NDUFAF6: variants seen among roughly 807,000 people sequenced by gnomAD.
The protein encoded by NDUFAF6 is NADH dehydrogenase (ubiquinone) complex I, assembly factor 6.
A neutral mutation model predicts 40.8 loss-of-function variants in NDUFAF6; 45 were observed. The ratio of observed to expected loss-of-function variants is 1.10; its 90% CI spans 0.87 to 1.42. The LOEUF (loss-of-function observed/expected upper bound fraction) is 1.42. NDUFAF6 is among the 40% of genes most tolerant of loss of function. The pLI, the probability that NDUFAF6 is intolerant of heterozygous loss-of-function variation, is 0.00. For synonymous variants in NDUFAF6, 185 were observed against 155.9 expected (o/e 1.19, Z -1.39); for missense variants, 435 against 418.5 (o/e 1.04, Z -0.34).
At chr8:95,050,427 A>G (rs886169485) in intron 7 of NDUFAF6, among the ~76,000 whole-genome samples, 11 of 152,144 alleles carry the variant, frequency 7.2e-5, no homozygotes, top group African/African-American at 2.7e-4. Flanking sequence ...GAGAGTGCAA[A>G]CTCTGGAACC....
At chr8:95,079,638 A>G (rs960924567), downstream of NDUFAF6, among the ~76,000 whole-genome samples, 1 of 152,232 alleles carries the variant, frequency 6.6e-6, no homozygotes, top group African/African-American at 2.4e-5. Context: ...CAATTAAACT[A>G]TAGGACCAAA....
chr8:95,060,236 G>T (rs1023038724), downstream of NDUFAF6, among the ~76,000 whole-genome samples: 1 of 152,132 alleles, frequency 6.6e-6, no homozygotes, highest in Non-Finnish European at 1.5e-5. Context: ...TGGTGTAAAA[G>T]ATACTCCCTT....
chr8:95,045,296 T>TA (rs1000390915), intron 4 of NDUFAF6, among the ~76,000 whole-genome samples: 21 of 151,944 alleles, frequency 1.4e-4, no homozygotes, highest in Non-Finnish European at 2.8e-4. Context: ...AGATGAAATT[T>TA]AAAAAAAATG....
intron 3 of NDUFAF6, among the ~76,000 whole-genome samples, chr8:95,038,106 C>T (rs985399870): frequency 6.6e-6 from 1 of 152,192 alleles, no homozygotes; most frequent in African/African-American, 2.4e-5. Context: ...TCCTTGCCTC[C>T]TGGCCATCCT....
chr8:94,900,471 G>A (rs1345029598), intron 1 of NDUFAF6, among the ~76,000 whole-genome samples: 3 of 152,138 alleles, frequency 2.0e-5, no homozygotes, highest in Non-Finnish European at 4.4e-5. Flanking sequence ...CTCAGAGGGA[G>A]GGCCCTTAAA....
intron 9 of NDUFAF6, among the ~76,000 whole-genome samples, chr8:95,071,334 T>C (rs1321508437): frequency 4.3e-5 from 6 of 140,278 alleles, no homozygotes; most frequent in Non-Finnish European, 9.3e-5. Context: ...GGAGGTGGAG[T>C]TTGCAGTGAG....
chr8:95,034,986 T>C (rs1347659219), intron 2 of NDUFAF6, among the ~76,000 whole-genome samples: 4 of 152,054 alleles, frequency 2.6e-5, no homozygotes, highest in Admixed American at 2.6e-4. Context: ...TTTAAGCGAT[T>C]CTCCTGCCTC....
intron 2 of NDUFAF6, among the ~76,000 whole-genome samples, chr8:94,946,106 GTT>G (rs11301626): frequency 3.4e-5 from 5 of 149,098 alleles, no homozygotes; most frequent in African/African-American, 4.9e-5. Flanking sequence ...CTTTTCTTCT[GTT>G]TTTTTTTTTC....
rs374858621 is a variant in NDUFAF6, at chr8:95,052,186, C to G, written c.829C>G (p.His277Asp). The G allele has an allele frequency of 6.2e-7, 1 of 1,614,094 alleles. No individual in the cohort carries two copies. Among genetic ancestry groups the G allele is most frequent in the East Asian group, 2.2e-5 (1 of 44,874 alleles). ...HLHLKHARSFHKTVPVKAFPA... is the reference protein window; with the variant it reads ...HLHLKHARSFDKTVPVKAFPA... Reference sequence around the variant, plus strand: ...TCTTCCTTTTTAGGCTAGGTCCTTTCACAAAACTGTTCCTGTGAAAGCATT... The same window carrying G: ...TCTTCCTTTTTAGGCTAGGTCCTTTGACAAAACTGTTCCTGTGAAAGCATT... The change falls in exon 8 of 9, where the codon CAC becomes GAC. Residue 277 changes from histidine (H) to aspartate (D), a missense_variant. By Grantham distance (81) the His-to-Asp change is moderately conservative. Coordinates refer to ENST00000396124, the MANE Select transcript of NDUFAF6 (RefSeq NM_152416.4).
At chr8:94,916,834 G>T (rs1180492424) in intron 1 of NDUFAF6, among the ~76,000 whole-genome samples, 25 of 142,140 alleles carry the variant, frequency 1.8e-4, no homozygotes, top group Non-Finnish European at 3.1e-4. Flanking sequence ...AAAAAAAAAG[G>T]CCGGGCGCGG....
intron 1 of NDUFAF6, among the ~76,000 whole-genome samples, chr8:95,031,286 C>T (rs1402629102): frequency 6.6e-6 from 1 of 152,162 alleles, no homozygotes; most frequent in African/African-American, 2.4e-5. Context: ...TGCAAGGAAA[C>T]GTATGTGTGC....
At chr8:95,050,216 C>T (rs549847553) in intron 7 of NDUFAF6, among the ~76,000 whole-genome samples, 18 of 152,302 alleles carry the variant, frequency 1.2e-4, no homozygotes, top group African/African-American at 3.4e-4. Context: ...TCCCAGGCCT[C>T]ACTCCCTGGA....
intron 4 of NDUFAF6, among the ~76,000 whole-genome samples, chr8:95,114,968 A>G (rs1387222392): frequency 6.6e-6 from 1 of 152,048 alleles, no homozygotes; most frequent in Non-Finnish European, 1.5e-5. Flanking sequence ...AGGCTGAGGC[A>G]GGTGAATCGC....
chr8:95,037,448 A>T (rs1309361789), intron 3 of NDUFAF6, among the ~76,000 whole-genome samples: 3 of 152,188 alleles, frequency 2.0e-5, no homozygotes, highest in African/African-American at 7.2e-5. Flanking sequence ...AAAATCAAAC[A>T]TGCCCATCGG....
upstream of NDUFAF6, chr8:95,024,979 G>C: frequency 7.7e-7 from 1 of 1,298,832 alleles, no homozygotes; most frequent in Non-Finnish European, 9.7e-7. Context: ...GCCGACGGCG[G>C]GGGGTCGAAG....
At chr8:94,998,361 T>C (rs1018609689) in intron 2 of NDUFAF6, among the ~76,000 whole-genome samples, 1 of 150,126 alleles carries the variant, frequency 6.7e-6, no homozygotes, top group East Asian at 2.0e-4. Flanking sequence ...TCTTCTAAAG[T>C]TATTCTCTGC....
intron 8 of NDUFAF6, among the ~76,000 whole-genome samples, chr8:95,055,709 A>G (rs80063114): frequency 0.012 from 1,844 of 152,354 alleles, 44 homozygotes; most frequent in African/African-American, 0.041. Context: ...TTCAAAACCA[A>G]GAGAACATGT....
At chr8:94,912,935 C>T (rs1038074496) in intron 1 of NDUFAF6, among the ~76,000 whole-genome samples, 14 of 152,142 alleles carry the variant, frequency 9.2e-5, no homozygotes, top group South Asian at 2.1e-4. Context: ...GCCCAGATCA[C>T]GCCACTGCAT....
At chr8:95,014,472 T>C (rs1827357929) in intron 2 of NDUFAF6, among the ~76,000 whole-genome samples, 1 of 152,214 alleles carries the variant, frequency 6.6e-6, no homozygotes, top group South Asian at 2.1e-4. Flanking sequence ...TGTGGCCATG[T>C]GTGGACAGCT....
Sources: gnomAD v4.1 joint callset for allele counts (sites outside exome capture counted in the v4.1 genomes callset) on GRCh38, gnomAD v4.1.1 for gene constraint, MANE v1.5 for transcripts, NCBI Gene and HGNC (gene_info 2026-07-23, HGNC 2026-07-21) for gene names.